Variants in PCDHGA5 observed in about 807,000 individuals in gnomAD.
PCDHGA5 encodes protocadherin gamma-A5.
A neutral mutation model predicts 56.7 loss-of-function variants in PCDHGA5; 36 were observed. That is an observed-to-expected ratio of 0.64 (90% confidence interval 0.49 to 0.84). PCDHGA5 has a LOEUF of 0.84. Among genes scored for constraint, PCDHGA5 ranks in the 40% least tolerant of loss-of-function variants. The pLI is 0.00. For missense variants in PCDHGA5, 1,305 were observed against 1,201.5 expected (o/e 1.09, Z -1.27); for synonymous variants, 563 against 520.2 (o/e 1.08, Z -1.12).
chr5:141,390,164 G>A (rs370376667), intron 1 of PCDHGA5: 200 of 1,613,888 alleles, frequency 1.2e-4, no homozygotes, highest in Non-Finnish European at 1.6e-4. Context: ...CAGGAAAGAC[G>A]GAGTTTAATT....
intron 3 of PCDHGA5, among the ~76,000 whole-genome samples, chr5:141,506,473 G>A (rs976701500): frequency 2.7e-4 from 40 of 150,506 alleles, no homozygotes; most frequent in Admixed American, 1.5e-3. Flanking sequence ...AAAGAGCACA[G>A]GCTTTAGAGG....
intron 1 of PCDHGA5, among the ~76,000 whole-genome samples, chr5:141,481,400 T>C (rs2154578591): frequency 6.6e-6 from 1 of 152,358 alleles, no homozygotes; most frequent in East Asian, 1.9e-4. Context: ...GTGACAAAAT[T>C]CTTGTATAAT....
chr5:141,449,943 C>G (rs1561937416), intron 1 of PCDHGA5, among the ~76,000 whole-genome samples: 1 of 151,186 alleles, frequency 6.6e-6, no homozygotes, highest in African/African-American at 2.4e-5. Flanking sequence ...GTATATTTTA[C>G]TATACCTCAT....
Position 141,427,970 on chromosome 5 carries a change from C to A in PCDHGA5, c.2421+61219C>A, listed in dbSNP as rs760792774. On this transcript the variant is annotated intron_variant, in intron 1 of 3. Coordinates refer to ENST00000518069, the MANE Select transcript of PCDHGA5 (RefSeq NM_018918.3). ...ATGACAATGTGCCGCGGGTGCTGTA[C>A]CCCGCGCTGGGGCCCGATGGCTCCG... 1.9e-6 allele frequency: 3 copies of A among 1,592,510 alleles called. No individual in the cohort carries two copies. The Admixed American group carries it at 5.0e-5, about 27-fold the overall frequency.
At chr5:141,499,698 T>C (rs1312388510) in intron 2 of PCDHGA5, among the ~76,000 whole-genome samples, 2 of 149,810 alleles carry the variant, frequency 1.3e-5, no homozygotes, top group African/African-American at 2.5e-5. Context: ...ACTTTTTTTT[T>C]TTTTTTTTTT....
chr5:141,489,077 C>G lies in PCDHGA5; in HGVS notation c.2422-5730C>G, dbSNP rs957205894. On this transcript the variant is annotated intron_variant, in intron 1 of 3. Coordinates refer to ENST00000518069, the MANE Select transcript of PCDHGA5 (RefSeq NM_018918.3). The surrounding 1 kb of genome is among the most constrained non-coding windows in gnomAD (Gnocchi z 4.5). The stretch of plus-strand genomic sequence containing the variant: ...AGCTCCCCTCCCCCCTGCCCACCCC[C>G]GCCACTCGGTGACTAAGAACTGCTG... 7 of 325,684 alleles carry G rather than the reference C, an allele frequency of 2.1e-5. No homozygotes were observed. Among genetic ancestry groups the G allele is most frequent in the Non-Finnish European group, 3.9e-5 (7 of 181,468 alleles). The allele number at this position is 325,684 out of a possible 1,614,324, so 20.2% of individuals were successfully genotyped here.
intron 1 of PCDHGA5, chr5:141,408,837 T>A: frequency 6.2e-7 from 1 of 1,613,716 alleles, no homozygotes; most frequent in Non-Finnish European, 8.5e-7. Flanking sequence ...AGCTTGATAT[T>A]GACTGCCTTG....
chr5:141,492,894 G>A (rs2099744893), intron 1 of PCDHGA5, among the ~76,000 whole-genome samples: 1 of 152,202 alleles, frequency 6.6e-6, no homozygotes, highest in Admixed American at 6.5e-5. Flanking sequence ...GGCTTTTGGC[G>A]CCGTCGTGAT....
At chr5:141,449,979 C>T (rs1382206842) in intron 1 of PCDHGA5, among the ~76,000 whole-genome samples, 1 of 148,862 alleles carries the variant, frequency 6.7e-6, no homozygotes, top group Non-Finnish European at 1.5e-5. Context: ...TCCAAAATAT[C>T]ACACATTGCA....
In PCDHGA5 at chr5:141,364,771, T is replaced by C. The variant is rs1763529395; in HGVS notation, c.441T>C (p.Ala147=). ...AAGTAAAAGTTAATGAAAATGCGGCTGCAGGGACACGGTTAGTGCTTCCCT... is the reference window on the plus strand; with the variant it reads ...AAGTAAAAGTTAATGAAAATGCGGCCGCAGGGACACGGTTAGTGCTTCCCT... ...ELKVKVNENA[A]AGTRLVLPFA... Residue 147 remains alanine, a synonymous_variant, in exon 1 of 4, where the codon GCT becomes GCC. Transcript: ENST00000518069. 4 of 1,614,002 alleles carry C rather than the reference T, an allele frequency of 2.5e-6. No homozygotes were observed. The highest frequency in any genetic ancestry group is 3.4e-6 in the Non-Finnish European group (4 of 1,179,900).
At position 141,393,312 on chromosome 5, in the gene PCDHGA5, C is replaced by T. The variant is rs1308410982; in HGVS notation, c.2421+26561C>T. 8 of 1,613,494 alleles carry T rather than the reference C, an allele frequency of 5.0e-6. No homozygotes were observed. The East Asian group carries it at 8.9e-5, about 18-fold the overall frequency. On this transcript the variant is annotated intron_variant, in intron 1 of 3. Coordinates refer to ENST00000518069, the MANE Select transcript of PCDHGA5 (RefSeq NM_018918.3). ...TGACCCGGATGTGGGCGTGAACTCC[C>T]TCCAGAGCTACCAGCTCAGCCCCAA... is the stretch of plus-strand genomic sequence containing the variant.
intron 1 of PCDHGA5, chr5:141,400,431 A>G (rs542969819): frequency 3.0e-5 from 48 of 1,614,034 alleles, no homozygotes; most frequent in African/African-American, 1.1e-4. Context: ...GTAGTGAGCA[A>G]TTGAGTTCAG....
chr5:141,419,662 T>C (rs767190243), intron 1 of PCDHGA5: 140 of 1,612,700 alleles, frequency 8.7e-5, no homozygotes, highest in South Asian at 2.2e-5. Flanking sequence ...CGGGGCACAA[T>C]GCCTGGCTGT....
chr5:141,421,365 G>A (rs1189449968), intron 1 of PCDHGA5: 2 of 1,614,026 alleles, frequency 1.2e-6, no homozygotes, highest in South Asian at 1.1e-5. Flanking sequence ...GCTCCTTCGT[G>A]GGCAATATCT....
At chr5:141,423,711 T>C (rs1479409204) in intron 1 of PCDHGA5, 1 of 1,330,004 alleles carries the variant, frequency 7.5e-7, no homozygotes, top group Non-Finnish European at 9.6e-7. Flanking sequence ...GCACAAGTCT[T>C]TTAAGGAGAT....
At chr5:141,369,414 C>T (rs1245319622) in intron 1 of PCDHGA5, among the ~76,000 whole-genome samples, 1 of 152,114 alleles carries the variant, frequency 6.6e-6, no homozygotes, top group African/African-American at 2.4e-5. Context: ...TGACTATAAT[C>T]CCAGCAATTT....
rs747064148 is a variant in PCDHGA5, at chr5:141,395,059, T to C, written c.2421+28308T>C. 1 of 1,614,180 alleles carries C rather than the reference T, an allele frequency of 6.2e-7. No individual in the cohort carries two copies. The stretch of plus-strand genomic sequence containing the variant: ...GTGGGTGTTGAGGAGGTACAGGCTT[T>C]CCTGCAGACCTATTCCCAGGAAGTC... On this transcript the variant is annotated intron_variant, in intron 1 of 3. Transcript: ENST00000518069.
In PCDHGA5 at chr5:141,403,493, A is replaced by G. The variant is rs762825635; in HGVS notation, c.2421+36742A>G. The G allele has an allele frequency of 8.7e-6, 14 of 1,613,886 alleles. No homozygotes were observed. The highest frequency in any genetic ancestry group is 5.0e-5 in the Admixed American group (3 of 59,998). Reference sequence around the variant, plus strand: ...CAGCCCCAATCACCACTTCTCCCTGAACGTGCAGACTGGAGACAATGGAGC... The same window carrying G: ...CAGCCCCAATCACCACTTCTCCCTGGACGTGCAGACTGGAGACAATGGAGC... On this transcript the variant is annotated intron_variant, in intron 1 of 3. Coordinates refer to ENST00000518069, the MANE Select transcript of PCDHGA5 (RefSeq NM_018918.3).
At chr5:141,371,891 G>A (rs771271665) in intron 1 of PCDHGA5, 3 of 1,613,446 alleles carry the variant, frequency 1.9e-6, no homozygotes, top group Non-Finnish European at 2.5e-6. Flanking sequence ...TGGAGCCGCG[G>A]GAGCTGTCGT....
Sources: allele counts gnomAD v4.1 joint callset (sites outside exome capture counted in the v4.1 genomes callset), GRCh38; gene constraint gnomAD v4.1.1; non-coding constraint Gnocchi (gnomAD v3.1); transcripts MANE v1.5; gene names NCBI Gene and HGNC (gene_info 2026-07-23, HGNC 2026-07-21).